RYR3: variants seen among roughly 807,000 people sequenced by gnomAD.
The protein encoded by RYR3 is brain ryanodine receptor-calcium release channel.
Under a neutral mutation model 584.3 loss-of-function variants are expected in RYR3, and 207 were observed. The ratio of observed to expected loss-of-function variants is 0.35; its 90% CI spans 0.32 to 0.40. The LOEUF (loss-of-function observed/expected upper bound fraction) is 0.40, where lower values mean the gene tolerates loss of function less well. Among genes scored for constraint, RYR3 ranks in the 10% least tolerant of loss-of-function variants. RYR3 has a pLI of 1.00. For synonymous variants in RYR3, 2,416 were observed against 2,248.5 expected (o/e 1.07, Z -2.11); for missense variants, 5,616 against 6,089.2 (o/e 0.92, Z 2.59).
Position 33,724,096 on chromosome 15 carries a change from A to G in RYR3, c.6832A>G (p.Ile2278Val), listed in dbSNP as rs368199410. ...GGGGGACGATGAAGAGGAAGAAGAA[A>G]TCGTGCATATGGGCAATGCAATTAT... Reference protein sequence around the residue: ...STGDDEEEEEIVHMGNAIMSF... With the variant: ...STGDDEEEEEVVHMGNAIMSF... The change falls in exon 45 of 104, where the codon ATC becomes GTC. Residue 2278 changes from isoleucine (I) to valine (V), a missense_variant. Coordinates refer to ENST00000634891, the MANE Select transcript of RYR3 (RefSeq NM_001036.6). The G allele has an allele frequency of 3.1e-6, 5 of 1,611,608 alleles. No homozygotes were observed. Among genetic ancestry groups the G allele is most frequent in the East Asian group, 2.2e-5 (1 of 44,880 alleles).
chr15:33,402,214 A>G (rs1420718401), intron 1 of RYR3, among the ~76,000 whole-genome samples: 1 of 152,214 alleles, frequency 6.6e-6, no homozygotes, highest in Non-Finnish European at 1.5e-5. Context: ...GAAAGAAATT[A>G]TAAGACACTA....
chr15:33,534,934 C>G (rs1248509446), intron 5 of RYR3, among the ~76,000 whole-genome samples: 4 of 152,138 alleles, frequency 2.6e-5, no homozygotes, highest in Non-Finnish European at 1.5e-5. Flanking sequence ...TTCTTTGTTG[C>G]AAACAAGAGA....
intron 43 of RYR3, among the ~76,000 whole-genome samples, chr15:33,718,629 G>A (rs922184018): frequency 7.2e-5 from 11 of 152,146 alleles, no homozygotes; most frequent in Admixed American, 7.2e-4. Context: ...CCAGACAATG[G>A]AACTTTAAAA....
intron 1 of RYR3, among the ~76,000 whole-genome samples, chr15:33,403,053 T>G (rs941666750): frequency 2.0e-5 from 3 of 152,220 alleles, no homozygotes; most frequent in African/African-American, 7.2e-5. Flanking sequence ...GATATTTTAT[T>G]TTAGTTTGTA....
Position 33,660,184 on chromosome 15 carries a change from C to A in RYR3, c.4396-13C>A. 1 of 1,538,342 alleles carries A rather than the reference C, an allele frequency of 6.5e-7. No homozygotes were observed. Among genetic ancestry groups the A allele is most frequent in the South Asian group, 1.2e-5 (1 of 83,610 alleles). ...GTGTGTTTCTTTTCCAATGCCTTTC[C>A]CACGTGCCCCAGAACGCAATGCCCC... On this transcript the variant is annotated splice_polypyrimidine_tract_variant and intron_variant, in intron 33 of 103. Transcript: ENST00000634891.
chr15:33,519,889 G>A (rs2053842934), intron 3 of RYR3, among the ~76,000 whole-genome samples: 2 of 152,138 alleles, frequency 1.3e-5, no homozygotes, highest in African/African-American at 4.8e-5. Context: ...CAAGAAAAAG[G>A]CAAGATCGCT....
Position 33,586,125 on chromosome 15 carries a change from G to A in RYR3, c.1788+9G>A. 1.3e-6 allele frequency: 2 copies of A among 1,515,464 alleles called. No individual in the cohort carries two copies. Among genetic ancestry groups the A allele is most frequent in the South Asian group, 1.1e-5 (1 of 89,182 alleles). The allele number at this position is 1,515,464 out of a possible 1,614,324, so 93.9% of individuals were successfully genotyped here. A position where few individuals can be genotyped will look rare whatever the true frequency, so the allele number is the denominator to read the frequency against. ...ACGGGCGGAATCACAAGGTAGGTGTGGAAAGAACGGTGATTGACTTTGCCT... is the reference window on the plus strand; with the variant it reads ...ACGGGCGGAATCACAAGGTAGGTGTAGAAAGAACGGTGATTGACTTTGCCT... On this transcript the variant is annotated intron_variant, in intron 16 of 103. Coordinates refer to ENST00000634891, the MANE Select transcript of RYR3 (RefSeq NM_001036.6).
chr15:33,320,340 T>C (rs1968793680), intron 1 of RYR3, among the ~76,000 whole-genome samples: 1 of 152,216 alleles, frequency 6.6e-6, no homozygotes, highest in African/African-American at 2.4e-5. Context: ...TGCTAGTCTT[T>C]AAAACACCCT....
chr15:33,773,840 T>C (rs983535374), intron 64 of RYR3, among the ~76,000 whole-genome samples: 1 of 152,236 alleles, frequency 6.6e-6, no homozygotes, highest in African/African-American at 2.4e-5. Flanking sequence ...GGCGAATGTA[T>C]GTGGCTGGAG....
At chr15:33,656,318 A>G (rs1339170823) in intron 32 of RYR3, among the ~76,000 whole-genome samples, 4 of 152,232 alleles carry the variant, frequency 2.6e-5, no homozygotes, top group Admixed American at 6.5e-5. Context: ...TGCGCAATCC[A>G]TGGGCATGTA....
intron 1 of RYR3, among the ~76,000 whole-genome samples, chr15:33,370,045 G>A (rs1013039696): frequency 2.0e-5 from 3 of 152,088 alleles, no homozygotes; most frequent in South Asian, 2.1e-4. Flanking sequence ...TCATACTATC[G>A]CTTATTTAAA....
intron 48 of RYR3, among the ~76,000 whole-genome samples, chr15:33,735,277 G>T (rs1362229673): frequency 6.6e-6 from 1 of 152,306 alleles, no homozygotes; most frequent in East Asian, 1.9e-4. Context: ...CTGAGACAAG[G>T]CTACTTACTT....
At chr15:33,675,577 G>T (rs544286495) in intron 38 of RYR3, among the ~76,000 whole-genome samples, 1 of 152,286 alleles carries the variant, frequency 6.6e-6, no homozygotes, top group South Asian at 2.1e-4. Flanking sequence ...CAAAATTCAT[G>T]ATATCCAGGA....
chr15:33,669,491 T>C, intron 37 of RYR3, 35 bp downstream of exon 37: 3 of 1,576,088 alleles, frequency 1.9e-6, no homozygotes, highest in Non-Finnish European at 2.6e-6. Flanking sequence ...GTCCTTTTTT[T>C]ACAAGAAGAG....
intron 1 of RYR3, among the ~76,000 whole-genome samples, chr15:33,334,705 C>CA (rs1438967823): frequency 6.6e-6 from 1 of 152,062 alleles, no homozygotes; most frequent in Admixed American, 6.6e-5. Context: ...AGAGCTTCTG[C>CA]ACAGCAAAAG....
At chr15:33,814,056 A>T (rs1419203266) in intron 74 of RYR3, among the ~76,000 whole-genome samples, 1 of 152,252 alleles carries the variant, frequency 6.6e-6, no homozygotes, top group African/African-American at 2.4e-5. Flanking sequence ...AGCTGTCAAA[A>T]TATAGAAAGG....
At chr15:33,756,414 G>T in intron 59 of RYR3, 41 bp downstream of exon 59, 1 of 1,403,464 alleles carries the variant, frequency 7.1e-7, no homozygotes, top group Non-Finnish European at 9.9e-7. Flanking sequence ...TTCTTCTTAG[G>T]ATCTCTACTA....
At chr15:33,580,646 C>G (rs541614161) in intron 13 of RYR3, among the ~76,000 whole-genome samples, 2 of 152,304 alleles carry the variant, frequency 1.3e-5, no homozygotes, top group African/African-American at 4.8e-5. Context: ...ACACCCAGGA[C>G]CTCATTCTGG....
At chr15:33,824,508 G>A (rs954074545) in intron 81 of RYR3, among the ~76,000 whole-genome samples, 7 of 152,172 alleles carry the variant, frequency 4.6e-5, no homozygotes, top group African/African-American at 1.4e-4. Flanking sequence ...TTCCTCCCCT[G>A]ACGGCTAAAC....
Sources: gnomAD v4.1 joint callset for allele counts (sites outside exome capture counted in the v4.1 genomes callset) on GRCh38, gnomAD v4.1.1 for gene constraint, MANE v1.5 for transcripts, NCBI Gene and HGNC (gene_info 2026-07-23, HGNC 2026-07-21) for gene names.